IMMP2L: variants seen among roughly 807,000 people sequenced by gnomAD.
IMMP2L encodes the protein inner mitochondrial membrane peptidase subunit 2, also known as mitochondrial inner membrane protease subunit 2.
A neutral mutation model predicts 19.3 loss-of-function variants in IMMP2L; 18 were observed. The ratio of observed to expected loss-of-function variants is 0.93; its 90% CI spans 0.64 to 1.38. The LOEUF (loss-of-function observed/expected upper bound fraction) is 1.38. IMMP2L is among the 40% of genes most tolerant of loss of function. IMMP2L has a pLI of 0.00. For missense variants in IMMP2L, 233 were observed against 218.2 expected (o/e 1.07, Z -0.43); for synonymous variants, 76 against 73.0 (o/e 1.04, Z -0.21).
intron 5 of IMMP2L, among the ~76,000 whole-genome samples, chr7:110,666,703 A>G (rs1279740713): frequency 1.3e-5 from 2 of 152,148 alleles, no homozygotes; most frequent in African/African-American, 2.4e-5. Context: ...TCCGCACTCC[A>G]TATTTTATCT....
At chr7:111,085,438 T>A (rs2129576964) in intron 3 of IMMP2L, among the ~76,000 whole-genome samples, 1 of 152,318 alleles carries the variant, frequency 6.6e-6, no homozygotes, top group African/African-American at 2.4e-5. Context: ...ATTTAGCTGT[T>A]AACTAAATTT....
At chr7:111,250,656 G>A (rs1357453419) in intron 3 of IMMP2L, among the ~76,000 whole-genome samples, 1 of 152,092 alleles carries the variant, frequency 6.6e-6, no homozygotes, top group African/African-American at 2.4e-5. Flanking sequence ...AATGGGGAAA[G>A]GATTCCCTAT....
intron 3 of IMMP2L, among the ~76,000 whole-genome samples, chr7:111,187,943 A>G (rs527648322): frequency 6.6e-6 from 1 of 152,236 alleles, no homozygotes; most frequent in African/African-American, 2.4e-5. Flanking sequence ...TATTGCTTCC[A>G]AAAGGGAAAA....
At chr7:110,923,126 C>T (rs565738625) in intron 4 of IMMP2L, among the ~76,000 whole-genome samples, 2 of 152,124 alleles carry the variant, frequency 1.3e-5, no homozygotes, top group South Asian at 2.1e-4. Context: ...AGTCCTTTGA[C>T]TACAAAACAG....
chr7:110,713,952 T>G (rs952414149), intron 5 of IMMP2L, among the ~76,000 whole-genome samples: 2 of 152,212 alleles, frequency 1.3e-5, no homozygotes, highest in African/African-American at 4.8e-5. Flanking sequence ...GGCTAGGAAT[T>G]CCAGTACAAT....
chr7:111,059,899 C>G (rs1793861221), intron 3 of IMMP2L, among the ~76,000 whole-genome samples: 1 of 147,100 alleles, frequency 6.8e-6, no homozygotes, highest in Admixed American at 6.9e-5. Flanking sequence ...ATGGTAATAA[C>G]TTAAAAATTA....
chr7:110,763,676 C>T (rs1486330756), intron 5 of IMMP2L, among the ~76,000 whole-genome samples: 1 of 152,100 alleles, frequency 6.6e-6, no homozygotes, highest in Non-Finnish European at 1.5e-5. Flanking sequence ...TTCAGCCAAA[C>T]CTCACAAATT....
intron 4 of IMMP2L, among the ~76,000 whole-genome samples, chr7:110,950,919 T>A (rs1375433287): frequency 6.7e-6 from 1 of 148,206 alleles, no homozygotes; most frequent in Non-Finnish European, 1.5e-5. Flanking sequence ...AATATATATA[T>A]ATATGAACTT....
At chr7:111,405,061 A>G (rs1833797419) in intron 3 of IMMP2L, among the ~76,000 whole-genome samples, 1 of 152,130 alleles carries the variant, frequency 6.6e-6, no homozygotes, top group African/African-American at 2.4e-5. Context: ...GGTAACATAC[A>G]ATCAGTTATC....
intron 3 of IMMP2L, among the ~76,000 whole-genome samples, chr7:111,034,031 G>C (rs1038867749): frequency 2.6e-5 from 4 of 152,096 alleles, no homozygotes; most frequent in Non-Finnish European, 5.9e-5. Context: ...AGGAAGAGAA[G>C]GAGTATGGGA....
intron 3 of IMMP2L, among the ~76,000 whole-genome samples, chr7:111,463,181 G>A (rs1840295432): frequency 6.6e-6 from 1 of 151,924 alleles, no homozygotes; most frequent in Non-Finnish European, 1.5e-5. Flanking sequence ...TCTTCCGTGT[G>A]TGTGTGTGTG....
chr7:111,345,463 G>T (rs1271893389), intron 3 of IMMP2L, among the ~76,000 whole-genome samples: 2 of 152,066 alleles, frequency 1.3e-5, no homozygotes, highest in African/African-American at 2.4e-5. Flanking sequence ...TTAACACTTT[G>T]GGGAAATATA....
At chr7:111,028,872 G>A (rs1048502193) in intron 3 of IMMP2L, among the ~76,000 whole-genome samples, 3 of 152,048 alleles carry the variant, frequency 2.0e-5, no homozygotes, top group Admixed American at 6.6e-5. Flanking sequence ...GAGCAAGACT[G>A]TGAAAACTAA....
At chr7:111,499,881 C>T (rs1032654188) in intron 2 of IMMP2L, among the ~76,000 whole-genome samples, 3 of 152,064 alleles carry the variant, frequency 2.0e-5, no homozygotes, top group Admixed American at 6.6e-5. Flanking sequence ...GAATGAGCGA[C>T]GCAGAAGACG....
At chr7:110,912,803 T>C (rs1585239281) in intron 4 of IMMP2L, among the ~76,000 whole-genome samples, 1 of 152,004 alleles carries the variant, frequency 6.6e-6, no homozygotes, top group African/African-American at 2.4e-5. Flanking sequence ...AGCCTGAAAG[T>C]AAAGTAGCAA....
chr7:111,359,845 G>A (rs918972398), intron 3 of IMMP2L, among the ~76,000 whole-genome samples: 3 of 152,110 alleles, frequency 2.0e-5, no homozygotes, highest in African/African-American at 7.2e-5. Flanking sequence ...AATGCAAGAA[G>A]TAGGTGGAGG....
intron 4 of IMMP2L, among the ~76,000 whole-genome samples, chr7:110,935,270 G>A (rs1815977438): frequency 6.6e-6 from 1 of 152,152 alleles, no homozygotes; most frequent in Non-Finnish European, 1.5e-5. Context: ...TAGTTTGGGT[G>A]AATATGAAAT....
chr7:110,952,193 A>T (rs2129554284), intron 4 of IMMP2L, among the ~76,000 whole-genome samples: 1 of 152,306 alleles, frequency 6.6e-6, no homozygotes, highest in South Asian at 2.1e-4. Context: ...TACAAAAGTT[A>T]CTGTTTCTCT....
chr7:111,523,691 C>A (rs998314030), intron 1 of IMMP2L, among the ~76,000 whole-genome samples: 3 of 152,024 alleles, frequency 2.0e-5, no homozygotes, highest in Non-Finnish European at 4.4e-5. Flanking sequence ...AGAATATAAG[C>A]AATTTAAAAA....
Sources: gnomAD v4.1 joint callset for allele counts (sites outside exome capture counted in the v4.1 genomes callset) on GRCh38, gnomAD v4.1.1 for gene constraint, MANE v1.5 for transcripts, NCBI Gene and HGNC (gene_info 2026-07-23, HGNC 2026-07-21) for gene names.